RYR2: variants seen among roughly 807,000 people sequenced by gnomAD.
RYR2 encodes cardiac muscle ryanodine receptor-calcium release channel.
A neutral mutation model predicts 601.1 loss-of-function variants in RYR2; 227 were observed. The ratio of observed to expected loss-of-function variants is 0.38; its 90% CI spans 0.34 to 0.42. The LOEUF (loss-of-function observed/expected upper bound fraction) is 0.42. Ranked by LOEUF, RYR2 falls within the 10% of genes least tolerant of loss-of-function variation. The pLI, the probability that RYR2 is intolerant of heterozygous loss-of-function variation, is 1.00. For synonymous variants in RYR2, 2,223 were observed against 2,175.1 expected, an observed-to-expected ratio of 1.02 and a Z score of -0.61; for missense variants, 4,646 against 6,156.5, an observed-to-expected ratio of 0.75 and a Z score of 8.21.
chr1:237,309,679 G>A (rs1388017458), intron 2 of RYR2, among the ~76,000 whole-genome samples: 6 of 152,100 alleles, frequency 3.9e-5, no homozygotes, highest in Admixed American at 3.3e-4. Context: ...ATGGAGCAGG[G>A]GGCGGCGCTT....
chr1:237,608,002 G>T (rs976320414), intron 35 of RYR2, among the ~76,000 whole-genome samples: 4 of 152,078 alleles, frequency 2.6e-5, no homozygotes, highest in African/African-American at 9.7e-5. Context: ...ATATACATAC[G>T]TATGCATACC....
chr1:237,300,788 A>G (rs1367552336), intron 2 of RYR2, among the ~76,000 whole-genome samples: 1 of 152,180 alleles, frequency 6.6e-6, no homozygotes, highest in East Asian at 1.9e-4. Context: ...TAAAATAAAT[A>G]CGTCCGAGTT....
chr1:237,627,034 A>G (rs1172892808), intron 40 of RYR2, among the ~76,000 whole-genome samples: 1 of 152,162 alleles, frequency 6.6e-6, no homozygotes, highest in Admixed American at 6.5e-5. Context: ...TGCTTAAATA[A>G]TTTCTAGATG....
intron 2 of RYR2, among the ~76,000 whole-genome samples, chr1:237,300,169 G>A (rs566353073): frequency 3.9e-5 from 6 of 152,220 alleles, no homozygotes; most frequent in Non-Finnish European, 8.8e-5. Flanking sequence ...TGTAACATGG[G>A]AAGACTGACT....
At chr1:237,729,124 T>C (rs1690463679) in intron 76 of RYR2, among the ~76,000 whole-genome samples, 1 of 152,150 alleles carries the variant, frequency 6.6e-6, no homozygotes, top group Non-Finnish European at 1.5e-5. Context: ...ATCAAGTTGA[T>C]GGCAGTGGTT....
At chr1:237,231,853 T>C (rs979120277) in intron 1 of RYR2, among the ~76,000 whole-genome samples, 3 of 152,178 alleles carry the variant, frequency 2.0e-5, no homozygotes, top group Admixed American at 6.5e-5. Flanking sequence ...GGAGGCAGCA[T>C]GGATATCTCT....
At chr1:237,364,149 T>A (rs1700005824) in intron 4 of RYR2, among the ~76,000 whole-genome samples, 1 of 152,104 alleles carries the variant, frequency 6.6e-6, no homozygotes. Flanking sequence ...AAAACATTTT[T>A]AAAGAGTTTT....
chr1:237,303,292 CTTTTT>C lies in RYR2; in HGVS notation c.169-27565_169-27561del, dbSNP rs386370109. ...CATATGAAGATAGCTCTGCGGTTATCTTTTTTTTTTTTTTTTTTTTTTTTTGAGAC... is the reference window on the plus strand; with the variant it reads ...CATATGAAGATAGCTCTGCGGTTATCTTTTTTTTTTTTTTTTTTTTGAGAC... On this transcript the variant is annotated intron_variant, in intron 2 of 104. Transcript: ENST00000366574. Among the ~76,000 whole-genome samples, 208 of 85,250 alleles carry C rather than the reference CTTTTT, an allele frequency of 2.4e-3. 1 individual carries two copies. Among genetic ancestry groups the C allele is most frequent in the African/African-American group, 9.4e-3 (196 of 20,898 alleles). The allele number at this position is 85,250 out of a possible 152,430, so 55.9% of individuals were successfully genotyped here. A position where few individuals can be genotyped will look rare whatever the true frequency, so the allele number is the denominator to read the frequency against.
chr1:237,502,485 TGGG>T (rs1664758456), intron 21 of RYR2, among the ~76,000 whole-genome samples: 1 of 152,132 alleles, frequency 6.6e-6, no homozygotes, highest in Non-Finnish European at 1.5e-5. Flanking sequence ...GGGCCAGGGC[TGGG>T]GTTGAAGGTG....
intron 29 of RYR2, among the ~76,000 whole-genome samples, chr1:237,577,182 G>T (rs1284838198): frequency 6.6e-6 from 1 of 152,140 alleles, no homozygotes; most frequent in Non-Finnish European, 1.5e-5. Flanking sequence ...ATTCACAATT[G>T]CCAAAGCCAG....
intron 1 of RYR2, among the ~76,000 whole-genome samples, chr1:237,241,046 G>A (rs1686109063): frequency 6.6e-6 from 1 of 152,176 alleles, no homozygotes; most frequent in South Asian, 2.1e-4. Flanking sequence ...TTAGATTCAA[G>A]GATGGTAGCA....
Position 237,520,284 on chromosome 1 carries a change from G to A in RYR2, c.2822+8493G>A, listed in dbSNP as rs539753447. ...ATTAGACTTCATTTTTTCCAGTTTA[G>A]ATGCCATTTATTTCTTTCCATTGCC... is the stretch of plus-strand genomic sequence containing the variant. On this transcript the variant is annotated intron_variant, in intron 24 of 104. Coordinates refer to ENST00000366574, the MANE Select transcript of RYR2 (RefSeq NM_001035.3). Among the ~76,000 whole-genome samples, 3 of 152,168 alleles carry A rather than the reference G, an allele frequency of 2.0e-5. No individual in the cohort carries two copies. The East Asian group carries it at 5.8e-4, about 30-fold the overall frequency.
At chr1:237,659,392 CAAG>C (rs1472878185) in intron 54 of RYR2, among the ~76,000 whole-genome samples, 1 of 151,750 alleles carries the variant, frequency 6.6e-6, no homozygotes, top group East Asian at 1.9e-4. Flanking sequence ...TGTAGGCAGA[CAAG>C]AAATTATATA....
At chr1:237,402,230 C>CG (rs1553437862) in intron 10 of RYR2, among the ~76,000 whole-genome samples, 1 of 144,326 alleles carries the variant, frequency 6.9e-6, no homozygotes, top group Middle Eastern at 3.3e-3. Context: ...CTTGTCTCTA[C>CG]AAAAAAAAAA....
chr1:237,380,758 AAGCAAGACCCTGTCTCTACT>A (rs1340046794), intron 8 of RYR2, among the ~76,000 whole-genome samples: 3 of 151,758 alleles, frequency 2.0e-5, no homozygotes, highest in African/African-American at 7.3e-5. Flanking sequence ...CATAGCCAAA[AAGCAAGACCCTGTCTCTACT>A]AAAAAATACA....
At chr1:237,478,671 A>G (rs1351033478) in intron 17 of RYR2, among the ~76,000 whole-genome samples, 1 of 152,164 alleles carries the variant, frequency 6.6e-6, no homozygotes, top group Non-Finnish European at 1.5e-5. Context: ...AATCTACACA[A>G]TAACTTTATA....
At chr1:237,218,751 G>A (rs1238524007) in intron 1 of RYR2, among the ~76,000 whole-genome samples, 1 of 152,068 alleles carries the variant, frequency 6.6e-6, no homozygotes, top group Non-Finnish European at 1.5e-5. Context: ...CTCTGGTTTA[G>A]GGTTGGGCTC....
chr1:237,373,720 A>G (rs1484947430), intron 6 of RYR2, among the ~76,000 whole-genome samples: 1 of 152,214 alleles, frequency 6.6e-6, no homozygotes, highest in African/African-American at 2.4e-5. Context: ...TAAGGAGATG[A>G]TGGTGTTGCA....
At chr1:237,361,320 T>C (rs1385106643) in intron 4 of RYR2, among the ~76,000 whole-genome samples, 1 of 152,224 alleles carries the variant, frequency 6.6e-6, no homozygotes, top group Non-Finnish European at 1.5e-5. Flanking sequence ...GTGAAATCAC[T>C]TTGTTTTCTC....
Sources: gnomAD v4.1 joint callset for allele counts (sites outside exome capture counted in the v4.1 genomes callset) on GRCh38, gnomAD v4.1.1 for gene constraint, MANE v1.5 for transcripts, NCBI Gene and HGNC (gene_info 2026-07-23, HGNC 2026-07-21) for gene names.